The following PROC variants were observed in gnomAD, a reference collection of about 807,000 sequenced individuals.
The protein encoded by PROC is protein C, inactivator of coagulation factors Va and VIIIa.
In PROC, 22 loss-of-function variants were observed where a neutral mutation model predicts 36.3. The ratio of observed to expected loss-of-function variants is 0.61; its 90% confidence interval spans 0.43 to 0.86. The LOEUF is 0.86. Ranked by LOEUF, PROC falls within the 40% of genes least tolerant of loss-of-function variation. PROC has a pLI of 0.00. For missense variants in PROC, 526 were observed against 629.7 expected (o/e 0.84, Z 1.76); for synonymous variants, 218 against 244.5 (o/e 0.89, Z 1.01).
intron 8 of PROC, 128 bp from the exon 9 acceptor site, chr2:127,428,229 C>A: frequency 1.1e-6 from 1 of 903,960 alleles, no homozygotes; most frequent in Non-Finnish European, 1.7e-6. Flanking sequence ...GGTGCACAGT[C>A]TCCGGGTGAA....
At chr2:127,421,749 C>A (rs951926456) in intron 3 of PROC, among the ~76,000 whole-genome samples, 1 of 152,210 alleles carries the variant, frequency 6.6e-6, no homozygotes, top group East Asian at 1.9e-4. Context: ...ACTGCCTCCC[C>A]GTCCCACCTC....
At chr2:127,422,501 C>CT (rs1407657323) in intron 3 of PROC, among the ~76,000 whole-genome samples, 4 of 152,244 alleles carry the variant, frequency 2.6e-5, no homozygotes, top group African/African-American at 9.6e-5. Context: ...CCTCCCAACT[C>CT]TGAAAAACAC....
At chr2:127,420,311 A>G (rs1171318139) in intron 2 of PROC, among the ~76,000 whole-genome samples, 1 of 151,396 alleles carries the variant, frequency 6.6e-6, no homozygotes, top group South Asian at 2.1e-4. Context: ...CCACCCACTC[A>G]CTCCCTCAAC....
chr2:127,423,561 C>T, intron 6 of PROC, 153 bp downstream of exon 6: 1 of 986,440 alleles, frequency 1.0e-6, no homozygotes, highest in Non-Finnish European at 1.4e-6. Flanking sequence ...CGCGCCCCAA[C>T]ACCGGGGCCA....
intron 3 of PROC, among the ~76,000 whole-genome samples, chr2:127,422,364 C>T (rs756908792): frequency 1.3e-5 from 2 of 152,266 alleles, no homozygotes; most frequent in Non-Finnish European, 2.9e-5. Context: ...TGGCTGGCCT[C>T]TCTGATGGAG....
intron 8 of PROC, 122 bp from the exon 9 acceptor site, chr2:127,428,235 G>C (rs1688651950): frequency 1.0e-6 from 1 of 965,230 alleles, no homozygotes; most frequent in South Asian, 1.4e-5. Context: ...CAGTCTCCGG[G>C]TGAACCTTCT....
rs1246404188 is a variant in PROC at position 127,429,096 on chromosome 2, T to C, written c.*150T>C. The C allele has an allele frequency of 3.6e-6, 3 of 834,240 alleles. No homozygotes were observed. Among genetic ancestry groups the C allele is most frequent in the African/African-American group, 1.7e-5 (1 of 58,860 alleles). 51.7% of individuals were successfully genotyped at this position (834,240 alleles called of 1,614,324 possible). A position where few individuals can be genotyped will look rare whatever the true frequency, so the allele number is the denominator to read the frequency against. ...TAACATTTACTGAGCACCTGTTGTA[T>C]GTCACATGCCTTATGAATAGAATCT... On this transcript the variant is annotated 3_prime_UTR_variant, in exon 9 of 9. Coordinates refer to ENST00000234071, the MANE Select transcript of PROC (RefSeq NM_000312.4).
rs1688728974 is a variant in PROC, at chr2:127,429,231, C to T, written c.*285C>T. 2.4e-6 allele frequency: 1 copy of T among 422,368 alleles called. No homozygotes were observed. Among genetic ancestry groups the T allele is most frequent in the South Asian group, 2.9e-5 (1 of 34,822 alleles). The allele number at this position is 422,368 out of a possible 1,614,324, so 26.2% of individuals were successfully genotyped here. On this transcript the variant is annotated 3_prime_UTR_variant, in exon 9 of 9. Transcript: ENST00000234071. ...TCTGTTTATGAAAAAGAATAAAAAA[C>T]ACAACCACGAAGCCACTAGAGCCTT...
chr2:127,419,518 T>C lies in PROC; in HGVS notation c.-21-404T>C, dbSNP rs944646772. ...TCCAGTAAGTGCTGGAGCTGGAATT[T>C]GCACCGTGCAGTCTGGCTTCATGGC... On this transcript the variant is annotated intron_variant, in intron 1 of 8. Transcript: ENST00000234071. Among the ~76,000 whole-genome samples the C allele has an allele frequency of 4.6e-5, 7 of 152,212 alleles. No individual in the cohort carries two copies. In the South Asian group the frequency reaches 1.4e-3, roughly 31 times the overall value.
chr2:127,421,343 A>G lies in PROC; in HGVS notation c.131A>G (p.Asn44Ser), dbSNP rs1416873800. The G allele has an allele frequency of 6.2e-7, 1 of 1,613,622 alleles. No individual in the cohort carries two copies. The highest frequency in any genetic ancestry group is 1.7e-5 in the Admixed American group (1 of 59,984). The part of the protein sequence containing the change: ...HQVLRIRKRA[N>S]SFLEELRHSS... ...GTGCTGCGGATCCGCAAACGTGCCA[A>G]CTCCTTCCTGGAGGAGCTCCGTCAC... Residue 44 changes from asparagine (N) to serine (S), a missense_variant, in exon 3 of 9, where the codon AAC becomes AGC. By Grantham distance (46) the Asn-to-Ser change is conservative. Transcript: ENST00000234071.
At position 127,426,189 on chromosome 2, in the gene PROC, G is replaced by A; in HGVS notation, c.640G>A (p.Asp214Asn). 6.2e-7 allele frequency: 1 copy of A among 1,614,138 alleles called. No homozygotes were observed. The highest frequency in any genetic ancestry group is 8.5e-7 in the Non-Finnish European group (1 of 1,180,034). ...AGACCAAGTAGATCCGCGGCTCATT[G>A]ATGGGAAGATGACCAGGCGGGGAGA... ...QEDQVDPRLIDGKMTRRGDSP... is the reference protein window; with the variant it reads ...QEDQVDPRLINGKMTRRGDSP... The change falls in exon 7 of 9, where the codon GAT becomes AAT. Residue 214 changes from aspartate to asparagine, a missense_variant. Coordinates refer to ENST00000234071, the MANE Select transcript of PROC (RefSeq NM_000312.4). The surrounding 1 kb of genome is among the most constrained non-coding windows in gnomAD (Gnocchi z 7.0).
In PROC at chr2:127,423,220, C is replaced by T. The variant is rs1558713538; in HGVS notation, c.400+49C>T. ...GCGGGCGGCGGGGCGGGGCTGGGGC[C>T]GGGTTGGGGGCGCGGCACCAGCACC... On this transcript the variant is annotated intron_variant, in intron 5 of 8. Transcript: ENST00000234071. 19 of 1,349,258 alleles carry T rather than the reference C, an allele frequency of 1.4e-5. No homozygotes were observed. In the East Asian group the frequency reaches 3.5e-4, roughly 25 times the overall value. 83.6% of individuals were successfully genotyped at this position (1,349,258 alleles called of 1,614,324 possible).
intron 2 of PROC, among the ~76,000 whole-genome samples, chr2:127,420,588 A>G (rs1239637203): frequency 6.6e-6 from 1 of 152,052 alleles, no homozygotes; most frequent in African/African-American, 2.4e-5. Flanking sequence ...CCCTCAGCTC[A>G]GGCATACCCT....
chr2:127,423,415 A>T lies in PROC; in HGVS notation c.535+7A>T. ...CTGCAGTGTCACCCCGCAGGTGAGA[A>T]GCCCCCAATACATCGCCCAGGAATC... On this transcript the variant is annotated splice_region_variant and intron_variant, in intron 6 of 8. Transcript: ENST00000234071. 6.5e-7 allele frequency: 1 copy of T among 1,548,604 alleles called. No homozygotes were observed. Among genetic ancestry groups the T allele is most frequent in the Non-Finnish European group, 8.7e-7 (1 of 1,146,354 alleles).
intron 3 of PROC, among the ~76,000 whole-genome samples, chr2:127,422,471 C>T (rs552267718): frequency 6.6e-6 from 1 of 152,296 alleles, no homozygotes; most frequent in East Asian, 1.9e-4. Context: ...TGGTTAGGAA[C>T]GCAGACCCTC....
intron 2 of PROC, 88 bp downstream of exon 2, chr2:127,420,100 A>G (rs1189543634): frequency 1.4e-6 from 2 of 1,434,848 alleles, no homozygotes; most frequent in Non-Finnish European, 9.7e-7. Context: ...AGCTTCCACC[A>G]TCTCTCTGAG....
chr2:127,423,536 T>C, intron 6 of PROC, 128 bp downstream of exon 6: 1 of 1,284,374 alleles, frequency 7.8e-7, no homozygotes, highest in East Asian at 2.9e-5. Context: ...AGTTGAGCCT[T>C]GGGGCAGCGG....
Position 127,428,938 on chromosome 2 carries a change from G to A in PROC, c.1378G>A (p.Ala460Thr). The change falls in exon 9 of 9, where the codon GCA (alanine) becomes ACA (threonine). Residue 460 changes from alanine to threonine, a missense_variant. By Grantham distance (58) the Ala-to-Thr change is moderately conservative (BLOSUM62 0). Transcript: ENST00000234071. ...CAAGGAAGCCCCCCAGAAGAGCTGG[G>A]CACCTTAGCGACCCTCCCTGCAGGG... ...RDKEAPQKSW[A>T]P The A allele has an allele frequency of 1.2e-6, 2 of 1,613,902 alleles. No individual in the cohort carries two copies. Among genetic ancestry groups the A allele is most frequent in the Non-Finnish European group, 1.7e-6 (2 of 1,180,044 alleles).
rs557307787 is a variant in PROC, at chr2:127,423,473, G to A, written c.535+65G>A. 18 of 1,523,552 alleles carry A rather than the reference G, an allele frequency of 1.2e-5. No individual in the cohort carries two copies. The African/African-American group carries it at 1.7e-4, about 14-fold the overall frequency. 94.4% of individuals were successfully genotyped at this position (1,523,552 alleles called of 1,614,324 possible). On this transcript the variant is annotated intron_variant, in intron 6 of 8. Transcript: ENST00000234071. Reference sequence around the variant, plus strand: ...GTGCAGGGTGGGCAGGCCCCCTGACGGGGCGCGGCGCGGGGGGCTCAGGAG... The same window carrying A: ...GTGCAGGGTGGGCAGGCCCCCTGACAGGGCGCGGCGCGGGGGGCTCAGGAG...
Sources: gnomAD v4.1 joint callset for allele counts (sites outside exome capture counted in the v4.1 genomes callset) on GRCh38, gnomAD v4.1.1 for gene constraint, Gnocchi (gnomAD v3.1) non-coding constraint, MANE v1.5 for transcripts, NCBI Gene and HGNC (gene_info 2026-07-23, HGNC 2026-07-21) for gene names.